The following UBR4 variants were observed in gnomAD, a reference collection of about 807,000 sequenced individuals.
UBR4 encodes ubiquitin protein ligase E3 component n-recognin 4, also known as E3 ubiquitin-protein ligase UBR4.
Under a neutral mutation model 575.6 loss-of-function variants are expected in UBR4, and 124 were observed. The ratio of observed to expected loss-of-function variants is 0.22; its 90% CI spans 0.19 to 0.25. UBR4 has a LOEUF of 0.25. Among genes scored for constraint, UBR4 ranks in the 10% least tolerant of loss-of-function variants. The pLI, the probability that UBR4 is intolerant of heterozygous loss-of-function variation, is 1.00. For synonymous variants in UBR4, 2,455 were observed against 2,473.7 expected, an observed-to-expected ratio of 0.99 and a Z score of 0.22; for missense variants, 4,818 against 6,478.8, an observed-to-expected ratio of 0.74 and a Z score of 8.80.
chr1:19,101,952 C>T (rs1015051222), intron 87 of UBR4, among the ~76,000 whole-genome samples: 1 of 152,244 alleles, frequency 6.6e-6, no homozygotes, highest in East Asian at 1.9e-4. Context: ...TAACTAGCAT[C>T]TCCTTGCCCA....
chr1:19,084,476 T>C, intron 102 of UBR4, 28 bp downstream of exon 102: 2 of 1,579,990 alleles, frequency 1.3e-6, no homozygotes, highest in Non-Finnish European at 1.7e-6. Flanking sequence ...GTCTGCGAGA[T>C]GCCGCCCCTG....
Position 19,152,137 on chromosome 1 carries a change from T to C in UBR4, c.6996+176A>G, listed in dbSNP as rs2085817347. Among the ~76,000 whole-genome samples, 1 of 152,214 alleles carries C rather than the reference T, an allele frequency of 6.6e-6. No homozygotes were observed. Among genetic ancestry groups the C allele is most frequent in the Non-Finnish European group, 1.5e-5 (1 of 68,040 alleles). ...TTGGTGGAAACCCAACCTGTACAAG[T>C]CCTTTGCCAAGTGAGTAAGAATATC... On this transcript the variant is annotated intron_variant, in intron 47 of 105. Coordinates refer to ENST00000375254, the MANE Select transcript of UBR4 (RefSeq NM_020765.3). The surrounding 1 kb of genome is among the most constrained non-coding windows in gnomAD (Gnocchi z 4.4).
Position 19,093,106 on chromosome 1 carries a change from G to A in UBR4, c.14112-188C>T, listed in dbSNP as rs2077688719. ...CAGAAAGAAGTGAGTACTCTAAGTA[G>A]AAACCAAAAAGTTGCCATCCTTTTC... On this transcript the variant is annotated intron_variant, in intron 96 of 105. Transcript: ENST00000375254. The surrounding 1 kb of genome is among the most constrained non-coding windows in gnomAD (Gnocchi z 4.8). Among the ~76,000 whole-genome samples, 1 of 152,236 alleles carries A rather than the reference G, an allele frequency of 6.6e-6. No individual in the cohort carries two copies. The highest frequency in any genetic ancestry group is 1.5e-5 in the Non-Finnish European group (1 of 68,044).
rs747468937 is a variant in UBR4 at position 19,144,052 on chromosome 1, G to A, written c.8107C>T (p.Arg2703Ter). The change falls in exon 55 of 106, where the codon CGA (arginine) becomes TGA (stop). Residue 2703 changes from arginine to a stop codon, truncating the protein, a stop_gained. Transcript: ENST00000375254. LOFTEE classifies it high-confidence loss of function. ...VSFSCKQALI[R>*]VLRPRNKRRH... ...CGTTTGTTCCTGGGCCTTAGGACTC[G>A]AATTAGAGCTTGTTTACAAGAGAAG... is the stretch of plus-strand genomic sequence containing the variant. 1 of 1,613,968 alleles carries A rather than the reference G, an allele frequency of 6.2e-7. No individual in the cohort carries two copies. Among genetic ancestry groups the A allele is most frequent in the Non-Finnish European group, 8.5e-7 (1 of 1,179,924 alleles).
intron 63 of UBR4, among the ~76,000 whole-genome samples, chr1:19,126,992 A>G (rs2081879027): frequency 6.6e-6 from 1 of 152,240 alleles, no homozygotes. Flanking sequence ...CAACTAGAAA[A>G]GAAGCCCAAT....
chr1:19,099,062 G>A (rs571969231), intron 90 of UBR4, among the ~76,000 whole-genome samples: 3 of 152,316 alleles, frequency 2.0e-5, no homozygotes, highest in African/African-American at 2.4e-5. Flanking sequence ...AGCATCACTC[G>A]TGGTGGCCAA....
At chr1:19,196,136 A>G (rs111833257) in intron 8 of UBR4, among the ~76,000 whole-genome samples, 3 of 152,238 alleles carry the variant, frequency 2.0e-5, no homozygotes, top group Admixed American at 1.3e-4. Context: ...GAGCTCCTTC[A>G]TGATTACTGC....
intron 42 of UBR4, among the ~76,000 whole-genome samples, 174 bp downstream of exon 42, chr1:19,156,097 G>C (rs2086414079): frequency 6.6e-6 from 1 of 152,138 alleles, no homozygotes; most frequent in South Asian, 2.1e-4. Context: ...CTGCACCCTT[G>C]AACTAAGCCT....
chr1:19,086,931 G>T, intron 99 of UBR4, 110 bp from the exon 100 acceptor site: 1 of 1,464,524 alleles, frequency 6.8e-7, no homozygotes, highest in Non-Finnish European at 9.2e-7. Flanking sequence ...TTGGGTTTCA[G>T]GTTGCTCTCA....
chr1:19,151,723 T>G lies in UBR4; in HGVS notation c.7133A>C (p.Asn2378Thr). The part of the protein sequence containing the change: ...IEIFGRTMQL[N>T]LSRSRWFDFP... ...GTCAAACCAGCGTGAGCGACTCAGGTTGAGCTGCATAGTTCTGCCGAAGAT... is the reference window on the plus strand; with the variant it reads ...GTCAAACCAGCGTGAGCGACTCAGGGTGAGCTGCATAGTTCTGCCGAAGAT... Residue 2378 changes from asparagine (N) to threonine (T), a missense_variant, in exon 48 of 106, where the codon AAC (asparagine) becomes ACC (threonine). Transcript: ENST00000375254. 1.2e-6 allele frequency: 2 copies of G among 1,614,166 alleles called. No homozygotes were observed. The highest frequency in any genetic ancestry group is 1.7e-6 in the Non-Finnish European group (2 of 1,180,010).
At chr1:19,158,324 A>G (rs145900145) in intron 39 of UBR4, among the ~76,000 whole-genome samples, 2 of 152,358 alleles carry the variant, frequency 1.3e-5, no homozygotes, top group African/African-American at 2.4e-5. Flanking sequence ...AAAAATCAGC[A>G]ACTTTATGGG....
At chr1:19,136,976 A>T (rs1557733187) in intron 60 of UBR4, among the ~76,000 whole-genome samples, 1 of 151,736 alleles carries the variant, frequency 6.6e-6, no homozygotes, top group African/African-American at 2.4e-5. Flanking sequence ...ATCAGGCACC[A>T]TTTTTTTTAC....
chr1:19,115,359 T>C (rs1557645226), intron 74 of UBR4, 39 bp downstream of exon 74: 1 of 1,599,090 alleles, frequency 6.3e-7, no homozygotes, highest in Non-Finnish European at 8.5e-7. Context: ...TAACAAGGAA[T>C]GTGCACAGCC....
Position 19,161,155 on chromosome 1 carries a change from C to A in UBR4, c.5176-8G>T, listed in dbSNP as rs1486603182. Reference sequence around the variant, plus strand: ...AGTTCTCTTCACCAGAGCCTAGGGACAGAAAATGTCAGAGTCCCTAAGTTC... The same window carrying A: ...AGTTCTCTTCACCAGAGCCTAGGGAAAGAAAATGTCAGAGTCCCTAAGTTC... On this transcript the variant is annotated splice_polypyrimidine_tract_variant and splice_region_variant and intron_variant, in intron 37 of 105. Transcript: ENST00000375254. 6.2e-7 allele frequency: 1 copy of A among 1,612,294 alleles called. No individual in the cohort carries two copies. The highest frequency in any genetic ancestry group is 8.5e-7 in the Non-Finnish European group (1 of 1,179,042).
chr1:19,104,245 G>A lies in UBR4; in HGVS notation c.12740C>T (p.Ser4247Phe), dbSNP rs979443413. Residue 4247 changes from serine to phenylalanine, a missense_variant, in exon 87 of 106, where the codon TCC (serine) becomes TTC (phenylalanine). This residue lies in a region of UBR4 where 105 missense variants were observed against 232.8 expected (regional missense o/e 0.45). Coordinates refer to ENST00000375254, the MANE Select transcript of UBR4 (RefSeq NM_020765.3). Reference protein sequence around the residue: ...ALKSLTGLLSSFVEVESIKRH... With the variant: ...ALKSLTGLLSFFVEVESIKRH... ...TTTGATGGATTCCACCTCAACAAAG[G>A]AGGAGAGAAGGCCTGTGGAGACAGG... The A allele has an allele frequency of 1.2e-6, 2 of 1,614,230 alleles. No individual in the cohort carries two copies.
chr1:19,097,833 T>C (rs1162054747), intron 90 of UBR4, among the ~76,000 whole-genome samples: 1 of 152,202 alleles, frequency 6.6e-6, no homozygotes, highest in Non-Finnish European at 1.5e-5. Context: ...CCTACAGAGA[T>C]TCAGACGTCT....
At chr1:19,098,467 G>C (rs986842767) in intron 90 of UBR4, among the ~76,000 whole-genome samples, 8 of 152,196 alleles carry the variant, frequency 5.3e-5, no homozygotes, top group African/African-American at 1.9e-4. Flanking sequence ...AGATACCCTG[G>C]TGCATTCTGT....
chr1:19,092,886 G>C lies in UBR4; in HGVS notation c.14144C>G (p.Ser4715Cys), dbSNP rs2077662507. ...TAGGATAAATGGCAAGGCTGGGCGA[G>C]ACAAAAACTTTTTCCAGATGTCGGC... Reference protein sequence around the residue: ...LDADIWKKFLSRPALPFILRL... With the variant: ...LDADIWKKFLCRPALPFILRL... Residue 4715 changes from serine to cysteine, a missense_variant, in exon 97 of 106, where the codon TCT (serine) becomes TGT (cysteine). Ser to Cys is a moderately radical substitution (Grantham distance 112). Coordinates refer to ENST00000375254, the MANE Select transcript of UBR4 (RefSeq NM_020765.3). 2 of 1,613,452 alleles carry C rather than the reference G, an allele frequency of 1.2e-6. No individual in the cohort carries two copies. The highest frequency in any genetic ancestry group is 1.3e-5 in the African/African-American group (1 of 74,908).
At chr1:19,171,543 AG>A (rs2150888409) in intron 25 of UBR4, among the ~76,000 whole-genome samples, 1 of 152,326 alleles carries the variant, frequency 6.6e-6, no homozygotes, top group South Asian at 2.1e-4. Context: ...CCTTTAAAGC[AG>A]CATAAAGCCC....
Sources: gnomAD v4.1 joint callset for allele counts (sites outside exome capture counted in the v4.1 genomes callset) on GRCh38, gnomAD v4.1.1 for gene constraint, gnomAD v4.1.1 regional missense constraint, Gnocchi (gnomAD v3.1) non-coding constraint, MANE v1.5 for transcripts, NCBI Gene and HGNC (gene_info 2026-07-23, HGNC 2026-07-21) for gene names.